The following TNIK variants were observed in gnomAD, a reference collection of about 807,000 sequenced individuals.
TNIK encodes TRAF2 and NCK interacting kinase.
In TNIK, 49 loss-of-function variants were observed where a neutral mutation model predicts 191.3. The ratio of observed to expected loss-of-function variants is 0.26; its 90% CI spans 0.20 to 0.32. The LOEUF (loss-of-function observed/expected upper bound fraction) is 0.32. TNIK is among the 10% of genes least tolerant of loss of function. The pLI is 1.00. For synonymous variants in TNIK, 594 were observed against 600.9 expected, an observed-to-expected ratio of 0.99 and a Z score of 0.17; for missense variants, 1,155 against 1,702.3, an observed-to-expected ratio of 0.68 and a Z score of 5.66.
chr3:171,403,155 G>C (rs985344727), intron 1 of TNIK, among the ~76,000 whole-genome samples: 1 of 152,214 alleles, frequency 6.6e-6, no homozygotes, highest in African/African-American at 2.4e-5. Flanking sequence ...CCAGCCTGGG[G>C]CTGGTCAGAG....
rs763504923 is a variant in TNIK at position 171,366,863 on chromosome 3, A to G, written c.123+2757T>C. ...CACCCATCCTGTTCTCATGATAGTG[A>G]GTTAGTTCTCATGAGATCTGATGGT... On this transcript the variant is annotated intron_variant, in intron 2 of 32. Transcript: ENST00000436636. The surrounding 1 kb of genome is among the most constrained non-coding windows in gnomAD (Gnocchi z 4.1). Among the ~76,000 whole-genome samples, 49 of 152,234 alleles carry G rather than the reference A, an allele frequency of 3.2e-4. No homozygotes were observed. The highest frequency in any genetic ancestry group is 3.4e-3 in the Middle Eastern group (1 of 294).
intron 3 of TNIK, chr3:171,225,399 A>G (rs1302844731): frequency 3.3e-6 from 1 of 307,628 alleles, no homozygotes; most frequent in East Asian, 9.7e-5. Flanking sequence ...ATAATCATCA[A>G]TGACATGACT....
chr3:171,211,747 G>A (rs1018661317), intron 3 of TNIK, among the ~76,000 whole-genome samples: 16 of 152,132 alleles, frequency 1.1e-4, no homozygotes, highest in African/African-American at 3.6e-4. Flanking sequence ...AGGAGCAAAG[G>A]TAAGTTCTCT....
intron 3 of TNIK, among the ~76,000 whole-genome samples, chr3:171,219,065 A>G (rs1376401705): frequency 7.7e-6 from 1 of 129,162 alleles, no homozygotes; most frequent in Non-Finnish European, 1.6e-5. Flanking sequence ...ATAATATATT[A>G]AATATATAAA....
chr3:171,107,809 T>G (rs748646066), intron 20 of TNIK, among the ~76,000 whole-genome samples: 5 of 152,264 alleles, frequency 3.3e-5, no homozygotes, highest in African/African-American at 9.6e-5. Context: ...TATGGAATGA[T>G]AGGAGTTGTT....
intron 10 of TNIK, 64 bp downstream of exon 10, chr3:171,167,031 A>C (rs1734703407): frequency 4.5e-6 from 7 of 1,545,704 alleles, no homozygotes; most frequent in Non-Finnish European, 5.2e-6. Context: ...CTCCAAATAC[A>C]TCAAGCGCCC....
chr3:171,252,799 G>T (rs897671526), intron 2 of TNIK, among the ~76,000 whole-genome samples: 1 of 152,088 alleles, frequency 6.6e-6, no homozygotes, highest in African/African-American at 2.4e-5. Context: ...GAGAGCACTC[G>T]GTTCCTGGTG....
At chr3:171,248,352 T>G (rs1745846082) in intron 2 of TNIK, among the ~76,000 whole-genome samples, 1 of 152,124 alleles carries the variant, frequency 6.6e-6, no homozygotes, top group South Asian at 2.1e-4. Flanking sequence ...TATTAAGCAG[T>G]GCTGAGTTGA....
At chr3:171,250,360 A>C (rs1365619159) in intron 2 of TNIK, among the ~76,000 whole-genome samples, 1 of 152,226 alleles carries the variant, frequency 6.6e-6, no homozygotes, top group Non-Finnish European at 1.5e-5. Context: ...AAATAGCTCC[A>C]GTACCTTAAA....
At chr3:171,226,524 A>G (rs2108982248) in intron 3 of TNIK, among the ~76,000 whole-genome samples, 1 of 152,292 alleles carries the variant, frequency 6.6e-6, no homozygotes, top group Middle Eastern at 3.4e-3. Flanking sequence ...CACTTCTATT[A>G]TGCTTAATCC....
At chr3:171,385,715 C>T (rs868794763) in intron 1 of TNIK, among the ~76,000 whole-genome samples, 2 of 152,074 alleles carry the variant, frequency 1.3e-5, no homozygotes, top group African/African-American at 2.4e-5. Flanking sequence ...TTTAAAAGAA[C>T]ACATGTTAAT....
At chr3:171,381,317 G>A (rs1474010500) in intron 1 of TNIK, among the ~76,000 whole-genome samples, 1 of 152,132 alleles carries the variant, frequency 6.6e-6, no homozygotes, top group African/African-American at 2.4e-5. Flanking sequence ...TAGCAGGTTA[G>A]GGGTTTCTTT....
At chr3:171,168,155 A>C (rs1734840492) in intron 9 of TNIK, among the ~76,000 whole-genome samples, 2 of 152,226 alleles carry the variant, frequency 1.3e-5, no homozygotes, top group South Asian at 4.1e-4. Context: ...TTCAGCCGTG[A>C]TTCATGAGTT....
chr3:171,070,089 G>A (rs770847538), intron 29 of TNIK, among the ~76,000 whole-genome samples: 15 of 152,230 alleles, frequency 9.9e-5, no homozygotes, highest in Non-Finnish European at 1.6e-4. Context: ...TGATTGAAAA[G>A]CTTTTGTGGA....
intron 2 of TNIK, among the ~76,000 whole-genome samples, chr3:171,299,463 A>G (rs1019782150): frequency 6.6e-6 from 1 of 152,120 alleles, no homozygotes; most frequent in African/African-American, 2.4e-5. Context: ...GAGAGCCAAC[A>G]TGGTAGCTGC....
intron 23 of TNIK, among the ~76,000 whole-genome samples, chr3:171,089,520 A>G (rs996135419): frequency 6.6e-6 from 1 of 152,182 alleles, no homozygotes; most frequent in Non-Finnish European, 1.5e-5. Context: ...ATGCAGACAC[A>G]CTGGTTATCA....
At position 171,066,618 on chromosome 3, in the gene TNIK, T is replaced by C; in HGVS notation, c.3817A>G (p.Lys1273Glu). 6.2e-7 allele frequency: 1 copy of C among 1,613,872 alleles called. No individual in the cohort carries two copies. ...VYVNTYGRIT[K>E]DVVLQWGEMP... ...TCTCCCCATTGGAGCACCACATCCT[T>C]AGTTATCCGGCCATAGGTGTTTACA... The change falls in exon 31 of 33, where the codon AAG becomes GAG. Residue 1273 changes from lysine (K) to glutamate (E), a missense_variant. By Grantham distance (56) the Lys-to-Glu change is moderately conservative. Transcript: ENST00000436636.
chr3:171,429,108 T>C (rs1178401579), intron 1 of TNIK, among the ~76,000 whole-genome samples: 1 of 152,196 alleles, frequency 6.6e-6, no homozygotes, highest in East Asian at 1.9e-4. Flanking sequence ...GAGCTACACA[T>C]TCCAGTTAGA....
chr3:171,239,146 C>T (rs1377891296), intron 2 of TNIK, among the ~76,000 whole-genome samples: 1 of 152,228 alleles, frequency 6.6e-6, no homozygotes, highest in Non-Finnish European at 1.5e-5. Flanking sequence ...AATAACTCTT[C>T]ATACTACGTG....
Sources: gnomAD v4.1 joint callset for allele counts (sites outside exome capture counted in the v4.1 genomes callset) on GRCh38, gnomAD v4.1.1 for gene constraint, Gnocchi (gnomAD v3.1) non-coding constraint, MANE v1.5 for transcripts, NCBI Gene and HGNC (gene_info 2026-07-23, HGNC 2026-07-21) for gene names.